PBX1: variants seen among roughly 807,000 people sequenced by gnomAD.
PBX1 encodes PBX homeobox 1.
Under a neutral mutation model 53.4 loss-of-function variants are expected in PBX1, and 6 were observed. The ratio of observed to expected loss-of-function variants is 0.11; its 90% CI spans 0.06 to 0.22. The LOEUF is 0.22. Among genes scored for constraint, PBX1 ranks in the 10% least tolerant of loss-of-function variants. The probability of loss-of-function intolerance (pLI) is 1.00; values close to 1 mark genes in which losing one functional copy is unlikely to be tolerated. For synonymous variants in PBX1, 204 were observed against 212.3 expected (o/e 0.96, Z 0.34); for missense variants, 251 against 551.4 (o/e 0.46, Z 5.46).
intron 4 of PBX1, among the ~76,000 whole-genome samples, chr1:164,806,703 A>G (rs1445692357): frequency 1.3e-5 from 2 of 152,200 alleles, no homozygotes; most frequent in African/African-American, 4.8e-5. Context: ...ACGAATAATC[A>G]TATCTGCCTC....
chr1:164,831,058 A>C (rs1164457510), intron 8 of PBX1, among the ~76,000 whole-genome samples: 1 of 152,194 alleles, frequency 6.6e-6, no homozygotes, highest in Non-Finnish European at 1.5e-5. Flanking sequence ...TATTTAAAAA[A>C]TTTTCAAACA....
chr1:164,848,724 G>T lies in PBX1; in HGVS notation c.*2048G>T. On this transcript the variant is annotated 3_prime_UTR_variant, in exon 9 of 9. Coordinates refer to ENST00000420696, the MANE Select transcript of PBX1 (RefSeq NM_002585.4). ...ATACTTGGTCCCTGTCACATTGACTGCTTGGGAGGCTTCCAGGGAGAAGTA... is the reference window on the plus strand; with the variant it reads ...ATACTTGGTCCCTGTCACATTGACTTCTTGGGAGGCTTCCAGGGAGAAGTA... 9.5e-7 allele frequency: 1 copy of T among 1,057,182 alleles called. No individual in the cohort carries two copies. The highest frequency in any genetic ancestry group is 1.1e-6 in the Non-Finnish European group (1 of 874,190). 65.5% of individuals were successfully genotyped at this position (1,057,182 alleles called of 1,614,324 possible).
At chr1:164,684,769 T>C (rs562961031) in intron 2 of PBX1, 2 of 152,350 alleles carry the variant, frequency 1.3e-5, no homozygotes, top group Non-Finnish European at 2.9e-5. Flanking sequence ...CACCTTGTAT[T>C]GGCAAAAAGA....
chr1:164,631,311 A>G (rs1658398687), intron 2 of PBX1, among the ~76,000 whole-genome samples: 1 of 152,004 alleles, frequency 6.6e-6, no homozygotes, highest in African/African-American at 2.4e-5. Flanking sequence ...ACAGTATTCA[A>G]AGTGCTTTCT....
chr1:164,697,376 T>C (rs1662856401), intron 2 of PBX1, among the ~76,000 whole-genome samples: 1 of 152,232 alleles, frequency 6.6e-6, no homozygotes, highest in Admixed American at 6.5e-5. Context: ...TAAGACCCTC[T>C]TTCAGATTAA....
intron 2 of PBX1, among the ~76,000 whole-genome samples, chr1:164,868,733 G>T (rs1178700607): frequency 6.6e-6 from 1 of 152,172 alleles, no homozygotes; most frequent in African/African-American, 2.4e-5. Context: ...GTCCACAGAG[G>T]CTCCTAGCAG....
rs1213234014 is a variant in PBX1, at chr1:164,847,868, C to T, written c.*1192C>T. On this transcript the variant is annotated 3_prime_UTR_variant, in exon 9 of 9. Transcript: ENST00000420696. Reference sequence around the variant, plus strand: ...ACACAGGACCTGATCATGAGGAAGACCAGGTTTCCAGTGTAAACTACTCTT... The same window carrying T: ...ACACAGGACCTGATCATGAGGAAGATCAGGTTTCCAGTGTAAACTACTCTT... 1 of 1,055,096 alleles carries T rather than the reference C, an allele frequency of 9.5e-7. No individual in the cohort carries two copies. Among genetic ancestry groups the T allele is most frequent in the Non-Finnish European group, 1.1e-6 (1 of 872,898 alleles). The allele number at this position is 1,055,096 out of a possible 1,614,324, so 65.4% of individuals were successfully genotyped here.
At chr1:164,650,461 A>G (rs1311017189) in intron 2 of PBX1, among the ~76,000 whole-genome samples, 1 of 151,994 alleles carries the variant, frequency 6.6e-6, no homozygotes, top group Non-Finnish European at 1.5e-5. Flanking sequence ...ACTCCTGACA[A>G]GTGATCCGCC....
chr1:164,885,896 A>G (rs1381249418), intron 2 of PBX1, among the ~76,000 whole-genome samples: 2 of 152,054 alleles, frequency 1.3e-5, no homozygotes, highest in African/African-American at 4.8e-5. Flanking sequence ...TACCTAACAT[A>G]CTATATAGCA....
At chr1:164,665,709 T>C (rs1660766721) in intron 2 of PBX1, among the ~76,000 whole-genome samples, 1 of 152,240 alleles carries the variant, frequency 6.6e-6, no homozygotes, top group African/African-American at 2.4e-5. Context: ...GAAACACCTC[T>C]ACCTCTGCTT....
chr1:164,873,701 A>C (rs768924957), intron 2 of PBX1, among the ~76,000 whole-genome samples: 8 of 152,212 alleles, frequency 5.3e-5, no homozygotes, highest in Non-Finnish European at 8.8e-5. Context: ...TATTCTCTCA[A>C]CCACCGCACA....
chr1:164,719,765 G>T (rs549869718), intron 2 of PBX1, among the ~76,000 whole-genome samples: 2 of 152,118 alleles, frequency 1.3e-5, no homozygotes, highest in African/African-American at 4.8e-5. Flanking sequence ...AAGCACATGG[G>T]GGGTATGTGT....
chr1:164,690,271 T>TCAGA (rs111500653), intron 2 of PBX1, among the ~76,000 whole-genome samples: 16,965 of 151,948 alleles, frequency 0.11, 1,207 homozygotes, highest in Non-Finnish European at 0.16. Flanking sequence ...AGAAAGCGGA[T>TCAGA]CAGACAGACA....
chr1:164,670,878 G>C (rs997161753), intron 2 of PBX1, among the ~76,000 whole-genome samples: 1 of 152,196 alleles, frequency 6.6e-6, no homozygotes, highest in Non-Finnish European at 1.5e-5. Context: ...CTGCGCCCGT[G>C]TGCACTTTGC....
intron 4 of PBX1, among the ~76,000 whole-genome samples, chr1:164,806,537 T>C (rs911072463): frequency 4.6e-5 from 7 of 152,178 alleles, no homozygotes; most frequent in Non-Finnish European, 1.0e-4. Context: ...ATAACTTATT[T>C]TTAACTTATG....
intron 2 of PBX1, among the ~76,000 whole-genome samples, chr1:164,566,318 C>T (rs1340521): frequency 0.7 from 106,420 of 152,032 alleles, 39,157 homozygotes; most frequent in African/African-American, 0.91. Context: ...AGTTTTTATT[C>T]TGATACATTT....
chr1:164,578,026 T>G (rs1372805688), intron 2 of PBX1, among the ~76,000 whole-genome samples: 1 of 152,188 alleles, frequency 6.6e-6, no homozygotes, highest in African/African-American at 2.4e-5. Context: ...TGCTCCTGAT[T>G]TGGACACCCC....
intron 3 of PBX1, among the ~76,000 whole-genome samples, chr1:164,799,469 C>T (rs953228492): frequency 3.3e-5 from 5 of 151,988 alleles, no homozygotes; most frequent in African/African-American, 1.2e-4. Flanking sequence ...CCAGCCTGGG[C>T]GACCGAGCGA....
chr1:164,704,250 A>C (rs1663298371), intron 2 of PBX1, among the ~76,000 whole-genome samples: 1 of 152,236 alleles, frequency 6.6e-6, no homozygotes, highest in African/African-American at 2.4e-5. Context: ...ATTATTCCCC[A>C]GTTGCCAACA....
Sources: gnomAD v4.1 joint callset for allele counts (sites outside exome capture counted in the v4.1 genomes callset) on GRCh38, gnomAD v4.1.1 for gene constraint, MANE v1.5 for transcripts, NCBI Gene and HGNC (gene_info 2026-07-23, HGNC 2026-07-21) for gene names.